SLC13A5: variants seen among roughly 807,000 people sequenced by gnomAD.
SLC13A5 encodes Na(+)/citrate cotransporter.
Under a neutral mutation model 56.5 loss-of-function variants are expected in SLC13A5, and 25 were observed. The observed-to-expected ratio is 0.44, with a 90% CI of 0.32 to 0.62. The LOEUF is 0.62. SLC13A5 is among the 20% of genes least tolerant of loss of function. SLC13A5 has a pLI of 0.04. For synonymous variants in SLC13A5, 307 were observed against 301.5 expected (o/e 1.02, Z -0.19); for missense variants, 649 against 737.8 (o/e 0.88, Z 1.39).
At chr17:6,703,618 A>G (rs968370045) in intron 4 of SLC13A5, among the ~76,000 whole-genome samples, 1 of 152,250 alleles carries the variant, frequency 6.6e-6, no homozygotes, top group African/African-American at 2.4e-5. Flanking sequence ...ATGAATAATC[A>G]GGTGAACACA....
Position 6,687,640 on chromosome 17 carries a change from C to T in SLC13A5, c.1464G>A (p.Leu488=). 2 of 1,608,626 alleles carry T rather than the reference C, an allele frequency of 1.2e-6. No individual in the cohort carries two copies. The highest frequency in any genetic ancestry group is 1.7e-6 in the Non-Finnish European group (2 of 1,177,884). ...TCAGGGTACAGGGCAGCATGATGTACAGCGGATTGAGGCCGATGGAGCGAG... is the reference window on the plus strand; with the variant it reads ...TCAGGGTACAGGGCAGCATGATGTATAGCGGATTGAGGCCGATGGAGCGAG... The part of the protein sequence containing the change: ...SMSRSIGLNP[L]YIMLPCTLSA... The change falls in exon 11 of 12, where the codon CTG becomes CTA. Residue 488 remains leucine (L), a synonymous_variant. Coordinates refer to ENST00000433363, the MANE Select transcript of SLC13A5 (RefSeq NM_177550.5). The surrounding 1 kb of genome is among the most constrained non-coding windows in gnomAD (Gnocchi z 5.0).
intron 1 of SLC13A5, among the ~76,000 whole-genome samples, chr17:6,709,096 T>G (rs1973948707): frequency 6.6e-6 from 1 of 150,384 alleles, no homozygotes; most frequent in South Asian, 2.1e-4. Flanking sequence ...GCTCAAGGGA[T>G]CCTTCCTTTT....
At chr17:6,709,545 G>A (rs1213349935) in intron 1 of SLC13A5, among the ~76,000 whole-genome samples, 1 of 152,120 alleles carries the variant, frequency 6.6e-6, no homozygotes, top group African/African-American at 2.4e-5. Context: ...TGGGATTACA[G>A]GCATGAGCCA....
intron 3 of SLC13A5, chr17:6,704,414 T>A (rs1467516507): frequency 2.5e-6 from 1 of 403,528 alleles, no homozygotes; most frequent in Non-Finnish European, 5.0e-6. Context: ...CAACTCAATA[T>A]GAGCTTGCCC....
Position 6,711,581 on chromosome 17 carries a change from T to C in SLC13A5, c.102+1651A>G, listed in dbSNP as rs1777355087. Reference sequence around the variant, plus strand: ...GTGTGTGTGTTTGTGTGTCTGTGTTTGTGTGTTTGGGTGTGTGTTTGTGCG... The same window carrying C: ...GTGTGTGTGTTTGTGTGTCTGTGTTCGTGTGTTTGGGTGTGTGTTTGTGCG... On this transcript the variant is annotated intron_variant, in intron 1 of 11. Transcript: ENST00000433363. This position sits in a 1 kb window ranked among gnomAD's most constrained non-coding sequence, Gnocchi z 4.0. 1.3e-5 allele frequency among the ~76,000 whole-genome samples: 2 copies of C among 150,808 alleles called. No individual in the cohort carries two copies. Among genetic ancestry groups the C allele is most frequent in the South Asian group, 2.1e-4 (1 of 4,752 alleles).
chr17:6,702,056 A>G (rs1271854753), intron 5 of SLC13A5, among the ~76,000 whole-genome samples: 1 of 151,914 alleles, frequency 6.6e-6, no homozygotes, highest in Non-Finnish European at 1.5e-5. Flanking sequence ...TACAGAAAAC[A>G]CTCCCGAAAT....
At chr17:6,702,920 A>T (rs373635988) in intron 5 of SLC13A5, 50 bp downstream of exon 5, 1 of 1,592,084 alleles carries the variant, frequency 6.3e-7, no homozygotes, top group South Asian at 1.1e-5. Flanking sequence ...AGGTCCCTCC[A>T]GCCCCGGTAC....
At chr17:6,704,423 C>T (rs1016720677) in intron 3 of SLC13A5, 9 of 382,660 alleles carry the variant, frequency 2.4e-5, no homozygotes, top group Middle Eastern at 3.7e-4. Flanking sequence ...ATGAGCTTGC[C>T]CTAGGGTGTG....
In SLC13A5 at chr17:6,703,135, C is replaced by G. The variant is rs1367586666; in HGVS notation, c.551G>C (p.Ser184Thr). Residue 184 changes from serine (S) to threonine (T), a missense_variant, in exon 5 of 12, where the codon AGT (serine) becomes ACT (threonine). Ser to Thr is a moderately conservative substitution (Grantham distance 58). Transcript: ENST00000433363. ...AGTGGGGCCTTCAAAAATCACTTGA[C>G]TCCCTGTGGTGGGCACAGCGCTGTT... ...DKGKAKELPGSQVIFEGPTLG... is the reference protein window; with the variant it reads ...DKGKAKELPGTQVIFEGPTLG... The G allele has an allele frequency of 6.2e-7, 1 of 1,614,012 alleles. No homozygotes were observed. The highest frequency in any genetic ancestry group is 8.5e-7 in the Non-Finnish European group (1 of 1,180,028).
At chr17:6,695,650 C>T in intron 7 of SLC13A5, 76 bp downstream of exon 7, 2 of 1,505,466 alleles carry the variant, frequency 1.3e-6, no homozygotes, top group African/African-American at 1.4e-5. Context: ...CTCAGCCTCC[C>T]AAAGTGCTGG....
chr17:6,704,202 CG>C (rs1973802507), intron 3 of SLC13A5, 146 bp from the exon 4 acceptor site: 1 of 868,070 alleles, frequency 1.2e-6, no homozygotes, highest in Middle Eastern at 2.1e-4. Flanking sequence ...ATAGGGATGA[CG>C]GTTTTAGAGC....
intron 6 of SLC13A5, among the ~76,000 whole-genome samples, chr17:6,696,463 A>C (rs1165163074): frequency 1.3e-5 from 2 of 152,096 alleles, no homozygotes; most frequent in African/African-American, 2.4e-5. Context: ...GGGATCCAGG[A>C]GACCCTGGGG....
Position 6,687,633 on chromosome 17 carries a change from T to C in SLC13A5, c.1471A>G (p.Met491Val), listed in dbSNP as rs1973284945. 6.2e-7 allele frequency: 1 copy of C among 1,612,042 alleles called. No individual in the cohort carries two copies. The highest frequency in any genetic ancestry group is 8.5e-7 in the Non-Finnish European group (1 of 1,179,348). ...GAGGCACTCAGGGTACAGGGCAGCA[T>C]GATGTACAGCGGATTGAGGCCGATG... ...RSIGLNPLYIMLPCTLSASFA... is the reference protein window; with the variant it reads ...RSIGLNPLYIVLPCTLSASFA... Residue 491 changes from methionine to valine, a missense_variant, in exon 11 of 12, where the codon ATG becomes GTG. Physicochemically the swap from Met to Val is conservative, Grantham distance 21. Coordinates refer to ENST00000433363, the MANE Select transcript of SLC13A5 (RefSeq NM_177550.5). The surrounding 1 kb of genome is among the most constrained non-coding windows in gnomAD (Gnocchi z 5.0).
intron 6 of SLC13A5, among the ~76,000 whole-genome samples, chr17:6,699,888 G>A (rs1973663536): frequency 6.6e-6 from 1 of 152,226 alleles, no homozygotes; most frequent in African/African-American, 2.4e-5. Flanking sequence ...TTACAGGTGT[G>A]AGCCATCGCG....
At chr17:6,690,657 A>T (rs1373286829) in intron 10 of SLC13A5, 122 bp downstream of exon 10, 18 of 1,368,072 alleles carry the variant, frequency 1.3e-5, no homozygotes, top group Non-Finnish European at 1.8e-5. Context: ...TCACAGTCAG[A>T]CCTGGGTCTC....
intron 5 of SLC13A5, among the ~76,000 whole-genome samples, chr17:6,702,380 G>A (rs189423454): frequency 6.6e-6 from 1 of 152,278 alleles, no homozygotes; most frequent in Admixed American, 6.5e-5. Flanking sequence ...TTGTGGCCAA[G>A]GCTAGAAAGT....
In SLC13A5 at chr17:6,686,270, T is replaced by C; in HGVS notation, c.1644A>G (p.Gly548=). The change falls in exon 12 of 12, where the codon GGA becomes GGG. Residue 548 remains glycine (G), a synonymous_variant. Coordinates refer to ENST00000433363, the MANE Select transcript of SLC13A5 (RefSeq NM_177550.5). Reference sequence around the variant, plus strand: ...AATGATCCAAGTCAAATATGGCCCGTCCCCAGGTGTTGACAGCCAAAAACA... The same window carrying C: ...AATGATCCAAGTCAAATATGGCCCGCCCCCAGGTGTTGACAGCCAAAAACA... The part of the protein sequence containing the change: ...FCVFLAVNTW[G]RAIFDLDHFP... 6.2e-7 allele frequency: 1 copy of C among 1,614,046 alleles called. No individual in the cohort carries two copies. Among genetic ancestry groups the C allele is most frequent in the African/African-American group, 1.3e-5 (1 of 74,984 alleles).
At chr17:6,696,306 G>A (rs1973559157) in intron 6 of SLC13A5, among the ~76,000 whole-genome samples, 1 of 152,202 alleles carries the variant, frequency 6.6e-6, no homozygotes, top group Non-Finnish European at 1.5e-5. Context: ...CCTCAGCCTG[G>A]AGCTGCCTTC....
At position 6,685,785 on chromosome 17, in the gene SLC13A5, T is replaced by G; in HGVS notation, c.*422A>C. 1.2e-5 allele frequency: 2 copies of G among 169,758 alleles called. No homozygotes were observed. Among genetic ancestry groups the G allele is most frequent in the Admixed American group, 5.8e-5 (1 of 17,158 alleles). 10.5% of individuals were successfully genotyped at this position (169,758 alleles called of 1,614,324 possible). A position where few individuals can be genotyped will look rare whatever the true frequency, so the allele number is the denominator to read the frequency against. ...GAGCTGGAAGGGACATGGGCACTGG[T>G]AGGTGGTTGTCTTAGCTCTCAACCA... On this transcript the variant is annotated 3_prime_UTR_variant, in exon 12 of 12. Coordinates refer to ENST00000433363, the MANE Select transcript of SLC13A5 (RefSeq NM_177550.5). This position sits in a 1 kb window ranked among gnomAD's most constrained non-coding sequence, Gnocchi z 4.2.
Sources: gnomAD v4.1 joint callset for allele counts (sites outside exome capture counted in the v4.1 genomes callset) on GRCh38, gnomAD v4.1.1 for gene constraint, Gnocchi (gnomAD v3.1) non-coding constraint, MANE v1.5 for transcripts, NCBI Gene and HGNC (gene_info 2026-07-23, HGNC 2026-07-21) for gene names.